Variants in FRMD4B observed in about 807,000 individuals in gnomAD.
The protein encoded by FRMD4B is FERM domain containing 4B.
A neutral mutation model predicts 141.5 loss-of-function variants in FRMD4B; 74 were observed. The ratio of observed to expected loss-of-function variants is 0.52; its 90% CI spans 0.43 to 0.63. FRMD4B has a LOEUF of 0.63. Among genes scored for constraint, FRMD4B ranks in the 30% least tolerant of loss-of-function variants. FRMD4B has a pLI of 0.00. For missense variants in FRMD4B, 1,366 were observed against 1,253.4 expected (o/e 1.09, Z -1.36); for synonymous variants, 506 against 467.9 (o/e 1.08, Z -1.05).
At chr3:69,187,961 T>A in intron 18 of FRMD4B, 44 bp from the exon 19 acceptor site, 1 of 1,060,244 alleles carries the variant, frequency 9.4e-7, no homozygotes, top group Non-Finnish European at 1.4e-6. Flanking sequence ...GTAGGCAAAT[T>A]AATAGGTAAA....
rs914769005 is a variant in FRMD4B, at chr3:69,171,801, C to A, written c.*60G>T. The A allele has an allele frequency of 1.3e-6, 2 of 1,533,428 alleles. No individual in the cohort carries two copies. Among genetic ancestry groups the A allele is most frequent in the African/African-American group, 2.7e-5 (2 of 72,916 alleles). 95.0% of individuals were successfully genotyped at this position (1,533,428 alleles called of 1,614,324 possible). A position where few individuals can be genotyped will look rare whatever the true frequency, so the allele number is the denominator to read the frequency against. ...CGAACATCCTCTCGGAAGACAAATA[C>A]AATTTGCAAGGCACACTAGTGTGAG... is the stretch of plus-strand genomic sequence containing the variant. On this transcript the variant is annotated 3_prime_UTR_variant, in exon 23 of 23. Transcript: ENST00000398540.
intron 5 of FRMD4B, among the ~76,000 whole-genome samples, chr3:69,261,629 G>T (rs2093528123): frequency 6.6e-6 from 1 of 151,964 alleles, no homozygotes; most frequent in African/African-American, 2.4e-5. Flanking sequence ...ACTCTAAGTT[G>T]GTATTGTTTT....
chr3:69,303,784 A>G (rs1701296572), intron 3 of FRMD4B, among the ~76,000 whole-genome samples: 1 of 151,942 alleles, frequency 6.6e-6, no homozygotes, highest in Non-Finnish European at 1.5e-5. Flanking sequence ...ACAGAAAAAA[A>G]TTAGCCTAGT....
intron 1 of FRMD4B, among the ~76,000 whole-genome samples, chr3:69,446,066 C>T (rs902016587): frequency 6.6e-6 from 1 of 152,166 alleles, no homozygotes; most frequent in Non-Finnish European, 1.5e-5. Flanking sequence ...CTGACTTTGT[C>T]ACCCAGGCTG....
intron 1 of FRMD4B, among the ~76,000 whole-genome samples, chr3:69,518,276 A>T (rs755780769): frequency 4.6e-5 from 7 of 152,170 alleles, no homozygotes; most frequent in Non-Finnish European, 1.0e-4. Context: ...ATTTTTTAAA[A>T]TAAAGAAACA....
intron 5 of FRMD4B, among the ~76,000 whole-genome samples, chr3:69,282,836 C>T (rs2093650325): frequency 6.6e-6 from 1 of 152,066 alleles, no homozygotes; most frequent in Non-Finnish European, 1.5e-5. Context: ...AGGGTTTCAC[C>T]ATGTTGGCCA....
intron 1 of FRMD4B, among the ~76,000 whole-genome samples, chr3:69,361,241 T>C (rs1201028739): frequency 6.6e-6 from 1 of 152,164 alleles, no homozygotes; most frequent in African/African-American, 2.4e-5. Context: ...TCCAAGTCCT[T>C]GTGACATGGT....
chr3:69,435,857 C>T (rs1487745526), intron 1 of FRMD4B, among the ~76,000 whole-genome samples: 1 of 152,128 alleles, frequency 6.6e-6, no homozygotes, highest in Non-Finnish European at 1.5e-5. Flanking sequence ...CAACATAGAG[C>T]CCAGCAACTA....
chr3:69,304,176 A>T (rs1701311892), intron 3 of FRMD4B, among the ~76,000 whole-genome samples: 1 of 29,902 alleles, frequency 3.3e-5, no homozygotes, highest in African/African-American at 2.7e-4. Context: ...AACTTGTCTC[A>T]AAAAAAAAAA....
chr3:69,539,935 A>G (rs755716274), intron 1 of FRMD4B, among the ~76,000 whole-genome samples: 9 of 152,232 alleles, frequency 5.9e-5, no homozygotes, highest in Non-Finnish European at 1.2e-4. Flanking sequence ...CACGCCTGTA[A>G]TCCCAGCACT....
intron 2 of FRMD4B, among the ~76,000 whole-genome samples, chr3:69,413,632 T>A (rs1026319920): frequency 2.6e-5 from 4 of 152,160 alleles, no homozygotes; most frequent in Admixed American, 6.6e-5. Context: ...GAAATAAATA[T>A]GCAAGATGCT....
At chr3:69,189,240 A>AC (rs1397509259) in intron 18 of FRMD4B, among the ~76,000 whole-genome samples, 2 of 151,078 alleles carry the variant, frequency 1.3e-5, no homozygotes, top group East Asian at 3.9e-4. Flanking sequence ...AAAAAAAAAA[A>AC]AAAAAAGAGA....
At chr3:69,417,945 C>G (rs1704897555) in intron 2 of FRMD4B, among the ~76,000 whole-genome samples, 1 of 152,154 alleles carries the variant, frequency 6.6e-6, no homozygotes, top group African/African-American at 2.4e-5. Flanking sequence ...CTCTTTACAT[C>G]TCTTTCTCCT....
In FRMD4B at chr3:69,182,730, AAAG is replaced by A. The variant is rs751427226; in HGVS notation, c.1920-16_1920-14del. 5.6e-6 allele frequency: 9 copies of A among 1,610,222 alleles called. No homozygotes were observed. Among genetic ancestry groups the A allele is most frequent in the Admixed American group, 3.4e-5 (2 of 58,508 alleles). On this transcript the variant is annotated splice_polypyrimidine_tract_variant and intron_variant, in intron 19 of 22. Coordinates refer to ENST00000398540, the MANE Select transcript of FRMD4B (RefSeq NM_015123.3). ...GGACAGCATTTCTCTGTGATGATAA[AAAG>A]AAGAATTCAGGAAATGATGAGTCTC...
chr3:69,248,966 A>C (rs2093443996), intron 7 of FRMD4B, among the ~76,000 whole-genome samples: 1 of 152,198 alleles, frequency 6.6e-6, no homozygotes, highest in African/African-American at 2.4e-5. Context: ...CTCACTAATT[A>C]ACAGATGACA....
intron 1 of FRMD4B, among the ~76,000 whole-genome samples, chr3:69,521,434 C>T (rs72937440): frequency 0.043 from 6,521 of 152,284 alleles, 398 homozygotes; most frequent in African/African-American, 0.13. Context: ...CCATCATCAC[C>T]TGACTGAGGC....
chr3:69,174,505 C>T (rs1404880885), intron 22 of FRMD4B, among the ~76,000 whole-genome samples: 1 of 152,148 alleles, frequency 6.6e-6, no homozygotes, highest in Non-Finnish European at 1.5e-5. Context: ...TAATTTATTT[C>T]CTACTTATTT....
At chr3:69,471,075 T>C (rs9310156) in intron 1 of FRMD4B, among the ~76,000 whole-genome samples, 96,508 of 152,060 alleles carry the variant, frequency 0.63, 31,848 homozygotes, top group African/African-American at 0.82. Context: ...GGCATAAGAG[T>C]TATCTTCCAA....
intron 2 of FRMD4B, among the ~76,000 whole-genome samples, chr3:69,407,687 G>A (rs1306592495): frequency 2.0e-5 from 3 of 152,206 alleles, no homozygotes; most frequent in Non-Finnish European, 4.4e-5. Context: ...CAGTTGATTG[G>A]TAGTGGCTGC....
Sources: gnomAD v4.1 joint callset for allele counts (sites outside exome capture counted in the v4.1 genomes callset) on GRCh38, gnomAD v4.1.1 for gene constraint, MANE v1.5 for transcripts, NCBI Gene and HGNC (gene_info 2026-07-23, HGNC 2026-07-21) for gene names.